ERCC3: variants seen among roughly 807,000 people sequenced by gnomAD.
The protein encoded by ERCC3 is ERCC excision repair 3, TFIIH core complex helicase subunit.
ERCC3 carries 66 observed loss-of-function variants against 94.2 expected under a neutral mutation model. That is an observed-to-expected ratio of 0.70 (90% CI 0.57 to 0.86). The LOEUF (loss-of-function observed/expected upper bound fraction) is 0.86, where lower values mean the gene tolerates loss of function less well. Ranked by LOEUF, ERCC3 falls within the 40% of genes least tolerant of loss-of-function variation. The pLI, the probability that ERCC3 is intolerant of heterozygous loss-of-function variation, is 0.00. For missense variants in ERCC3, 829 were observed against 987.1 expected, an observed-to-expected ratio of 0.84 and a Z score of 2.15; for synonymous variants, 349 against 369.1, an observed-to-expected ratio of 0.95 and a Z score of 0.63.
rs2104753218 is a variant in ERCC3, at chr2:127,274,486, T to C, written c.1731-1525A>G. 6.6e-6 allele frequency among the ~76,000 whole-genome samples: 1 copy of C among 152,272 alleles called. No individual in the cohort carries two copies. Among genetic ancestry groups the C allele is most frequent in the South Asian group, 2.1e-4 (1 of 4,828 alleles). On this transcript the variant is annotated intron_variant, in intron 10 of 14. Coordinates refer to ENST00000285398, the MANE Select transcript of ERCC3 (RefSeq NM_000122.2). This position sits in a 1 kb window ranked among gnomAD's most constrained non-coding sequence, Gnocchi z 4.0. ...TGGCTGCTCCACTGCCGAGGCCCGT[T>C]AGCACCCAGAGCAGTGCCCATTAAT...
At chr2:127,273,680 C>G (rs1345552927) in intron 10 of ERCC3, among the ~76,000 whole-genome samples, 4 of 131,590 alleles carry the variant, frequency 3.0e-5, no homozygotes, top group Non-Finnish European at 6.1e-5. Flanking sequence ...ACCGGGGAGG[C>G]AGAGGTTGTG....
At chr2:127,261,975 T>G (rs1380440577) in intron 12 of ERCC3, 1 of 153,030 alleles carries the variant, frequency 6.5e-6, no homozygotes, top group African/African-American at 2.4e-5. Context: ...CAATTCCACT[T>G]CCAGGCATAA....
Position 127,271,261 on chromosome 2 carries a change from AC to A in ERCC3, c.1945+74del. ...AGCCCCAGGGCACATGGCAGCTCTC[AC>A]CCCTATCGTCTTCCTAACTAAAGTG... On this transcript the variant is annotated intron_variant, in intron 12 of 14. Coordinates refer to ENST00000285398, the MANE Select transcript of ERCC3 (RefSeq NM_000122.2). This position sits in a 1 kb window ranked among gnomAD's most constrained non-coding sequence, Gnocchi z 5.0. 2.0e-6 allele frequency: 2 copies of A among 1,008,420 alleles called. No individual in the cohort carries two copies. The highest frequency in any genetic ancestry group is 1.7e-5 in the Admixed American group (1 of 59,272). 62.5% of individuals were successfully genotyped at this position (1,008,420 alleles called of 1,614,324 possible). A position where few individuals can be genotyped will look rare whatever the true frequency, so the allele number is the denominator to read the frequency against.
rs4150469 is a variant in ERCC3, at chr2:127,277,263, AGAAATTACCT to A, written c.1730+1900_1730+1909del. On this transcript the variant is annotated intron_variant, in intron 10 of 14. Coordinates refer to ENST00000285398, the MANE Select transcript of ERCC3 (RefSeq NM_000122.2). This position sits in a 1 kb window ranked among gnomAD's most constrained non-coding sequence, Gnocchi z 5.1. ...CTGGGGAAACAGAAAAACAGAACTG[AGAAATTACCT>A]GACCCTACTGAGTTTATGGTTATGT... 0.029 allele frequency among the ~76,000 whole-genome samples: 4,394 copies of A among 152,278 alleles called. 208 individuals are homozygous for A. Among genetic ancestry groups the A allele is most frequent in the African/African-American group, 0.1 (4,150 of 41,518 alleles).
rs1684039658 is a variant in ERCC3 at position 127,257,321 on chromosome 2, A to G, written c.*275T>C. 2.0e-6 allele frequency: 1 copy of G among 493,438 alleles called. No individual in the cohort carries two copies. The highest frequency in any genetic ancestry group is 3.8e-6 in the Non-Finnish European group (1 of 260,908). 30.6% of individuals were successfully genotyped at this position (493,438 alleles called of 1,614,324 possible). ...TCAATGGTCCATTCTGTTTATTCAG[A>G]ACGGTAACATAAATACACCTTAAAT... On this transcript the variant is annotated 3_prime_UTR_variant, in exon 15 of 15. Coordinates refer to ENST00000285398, the MANE Select transcript of ERCC3 (RefSeq NM_000122.2). This position sits in a 1 kb window ranked among gnomAD's most constrained non-coding sequence, Gnocchi z 5.4.
At position 127,259,620 on chromosome 2, in the gene ERCC3, G is replaced by A. The variant is rs765870689; in HGVS notation, c.2065-172C>T. On this transcript the variant is annotated intron_variant, in intron 13 of 14. Coordinates refer to ENST00000285398, the MANE Select transcript of ERCC3 (RefSeq NM_000122.2). This position sits in a 1 kb window ranked among gnomAD's most constrained non-coding sequence, Gnocchi z 4.9. ...ATTCCAGAGACCAGCATCAGGAGCC[G>A]CCTTTAACAGGGAGCTTGACTAATG... 3.8e-4 allele frequency: 289 copies of A among 763,510 alleles called. 1 individual carries two copies. In the Middle Eastern group the frequency reaches 5.4e-3, roughly 14 times the overall value. 47.3% of individuals were successfully genotyped at this position (763,510 alleles called of 1,614,324 possible).
chr2:127,280,424 G>T lies in ERCC3; in HGVS notation c.1527+23C>A. ...CATAGGAGGAGGCCCTTTCCCAGAC[G>T]CCCCCAGCCCAGGCCCAGCTACCTC... On this transcript the variant is annotated intron_variant, in intron 9 of 14. Transcript: ENST00000285398. The surrounding 1 kb of genome is among the most constrained non-coding windows in gnomAD (Gnocchi z 6.3). 1 of 1,600,638 alleles carries T rather than the reference G, an allele frequency of 6.2e-7. No homozygotes were observed.
intron 10 of ERCC3, among the ~76,000 whole-genome samples, chr2:127,276,873 TGA>T (rs1684750080): frequency 6.6e-6 from 1 of 152,082 alleles, no homozygotes; most frequent in African/African-American, 2.4e-5. Flanking sequence ...GACAACACAC[TGA>T]GAGGAAGCAA....
At position 127,289,350 on chromosome 2, in the gene ERCC3, A is replaced by G; in HGVS notation, c.809T>C (p.Phe270Ser). The change falls in exon 6 of 15, where the codon TTT (phenylalanine) becomes TCT (serine). Residue 270 changes from phenylalanine to serine, a missense_variant. By Grantham distance (155) the Phe-to-Ser change is radical. Coordinates refer to ENST00000285398, the MANE Select transcript of ERCC3 (RefSeq NM_000122.2). ...EEEEETQTVS[F>S]EVKQEMIEEL... The stretch of plus-strand genomic sequence containing the variant: ...ACATTCACTAACCTGCTTGACTTCA[A>G]AAGACACTGTCTGTGTCTCTTCTTC... 6.2e-7 allele frequency: 1 copy of G among 1,613,746 alleles called. No individual in the cohort carries two copies. Among genetic ancestry groups the G allele is most frequent in the East Asian group, 2.2e-5 (1 of 44,878 alleles).
rs765152621 is a variant in ERCC3 at position 127,286,724 on chromosome 2, C to A, written c.1321G>T (p.Asp441Tyr). The change falls in exon 8 of 15, where the codon GAT (aspartate) becomes TAT (tyrosine). Residue 441 changes from aspartate (D) to tyrosine (Y), a missense_variant. By Grantham distance (160) the Asp-to-Tyr change is radical. Transcript: ENST00000285398. ...KTQEWGLMILDEVHTIPAKMF... is the reference protein window; with the variant it reads ...KTQEWGLMILYEVHTIPAKMF... ...TTACCTGGTATGGTGTGCACTTCAT[C>A]CAGGATCATGAGGCCCCACTCCTGG... 6.2e-7 allele frequency: 1 copy of A among 1,614,064 alleles called. No individual in the cohort carries two copies. The highest frequency in any genetic ancestry group is 8.5e-7 in the Non-Finnish European group (1 of 1,180,006).
chr2:127,270,185 G>A (rs1388055796), intron 12 of ERCC3, among the ~76,000 whole-genome samples: 2 of 152,082 alleles, frequency 1.3e-5, no homozygotes, highest in Admixed American at 1.3e-4. Flanking sequence ...ACACCACCAC[G>A]CCCAGCTAGT....
At position 127,291,891 on chromosome 2, in the gene ERCC3, G is replaced by C. The variant is rs2104779768; in HGVS notation, c.471+719C>G. On this transcript the variant is annotated intron_variant, in intron 3 of 14. Coordinates refer to ENST00000285398, the MANE Select transcript of ERCC3 (RefSeq NM_000122.2). The surrounding 1 kb of genome is among the most constrained non-coding windows in gnomAD (Gnocchi z 4.9). ...ACTATTGGTCTCCTGCAGATACTTAGCTTTAGACAGAGTTTACCACCTGTG... is the reference window on the plus strand; with the variant it reads ...ACTATTGGTCTCCTGCAGATACTTACCTTTAGACAGAGTTTACCACCTGTG... 6.5e-6 allele frequency: 1 copy of C among 154,684 alleles called. No individual in the cohort carries two copies. Among genetic ancestry groups the C allele is most frequent in the African/African-American group, 2.4e-5 (1 of 41,586 alleles). The allele number at this position is 154,684 out of a possible 1,614,324, so 9.6% of individuals were successfully genotyped here. A position where few individuals can be genotyped will look rare whatever the true frequency, so the allele number is the denominator to read the frequency against.
chr2:127,293,977 G>A, intron 1 of ERCC3, 77 bp downstream of exon 1: 2 of 1,570,636 alleles, frequency 1.3e-6, no homozygotes, highest in Non-Finnish European at 1.7e-6. Flanking sequence ...GCAGAGGCCC[G>A]GAGCAGCTCC....
In ERCC3 at chr2:127,277,448, T is replaced by G. The variant is rs55693032; in HGVS notation, c.1730+1725A>C. On this transcript the variant is annotated intron_variant, in intron 10 of 14. Transcript: ENST00000285398. The surrounding 1 kb of genome is among the most constrained non-coding windows in gnomAD (Gnocchi z 5.1). ...GGCTCACACCTGTAATCCCAGCACT[T>G]TGGAAGGCCGAGGCAGGCAGATCAC... Among the ~76,000 whole-genome samples, 5,156 of 152,250 alleles carry G rather than the reference T, an allele frequency of 0.034. 126 individuals carry two copies. Among genetic ancestry groups the G allele is most frequent in the Middle Eastern group, 0.072 (21 of 292 alleles).
Position 127,259,773 on chromosome 2 carries a change from T to G in ERCC3, c.2065-325A>C. ...TTTTAAAAGGCTCCTTCGGGTAGCC[T>G]TCACATCTTGGAGCAGACAAAGGAA... On this transcript the variant is annotated intron_variant, in intron 13 of 14. Coordinates refer to ENST00000285398, the MANE Select transcript of ERCC3 (RefSeq NM_000122.2). This position sits in a 1 kb window ranked among gnomAD's most constrained non-coding sequence, Gnocchi z 4.9. 1 of 386,232 alleles carries G rather than the reference T, an allele frequency of 2.6e-6. No homozygotes were observed. The highest frequency in any genetic ancestry group is 5.0e-6 in the Non-Finnish European group (1 of 201,792). The allele number at this position is 386,232 out of a possible 1,614,324, so 23.9% of individuals were successfully genotyped here.
chr2:127,289,505 TGA>T lies in ERCC3; in HGVS notation c.658-6_658-5del. ...TGCTTTCAGCAGTCTTAGAAATCTG[TGA>T]GAGAGGTAGGTGCTGAACGTGCACA... On this transcript the variant is annotated splice_region_variant and splice_polypyrimidine_tract_variant and intron_variant, in intron 5 of 14. Coordinates refer to ENST00000285398, the MANE Select transcript of ERCC3 (RefSeq NM_000122.2). The T allele has an allele frequency of 6.2e-7, 1 of 1,612,332 alleles. No individual in the cohort carries two copies. The highest frequency in any genetic ancestry group is 8.5e-7 in the Non-Finnish European group (1 of 1,179,988).
chr2:127,287,478 C>CA (rs1464475932), intron 7 of ERCC3, among the ~76,000 whole-genome samples: 3 of 151,894 alleles, frequency 2.0e-5, no homozygotes, highest in African/African-American at 7.3e-5. Context: ...ACTAAAAATA[C>CA]AAAAAATTAG....
rs1380093521 is a variant in ERCC3, at chr2:127,259,450, T to C, written c.2065-2A>G. Reference sequence around the variant, plus strand: ...CATGCCAGCGAGTTTCGTGATCACCTGCAAAGCCCAAGCCAGCAGACATGC... The same window carrying C: ...CATGCCAGCGAGTTTCGTGATCACCCGCAAAGCCCAAGCCAGCAGACATGC... On this transcript the variant is annotated splice_acceptor_variant, in intron 13 of 14. Coordinates refer to ENST00000285398, the MANE Select transcript of ERCC3 (RefSeq NM_000122.2). LOFTEE classifies it high-confidence loss of function. This position sits in a 1 kb window ranked among gnomAD's most constrained non-coding sequence, Gnocchi z 4.9. The C allele has an allele frequency of 6.2e-7, 1 of 1,614,162 alleles. No individual in the cohort carries two copies. Among genetic ancestry groups the C allele is most frequent in the South Asian group, 1.1e-5 (1 of 91,088 alleles).
intron 13 of ERCC3, chr2:127,260,725 A>G (rs1005769213): frequency 5.9e-6 from 1 of 169,514 alleles, no homozygotes; most frequent in African/African-American, 2.4e-5. Flanking sequence ...TCTATCCCCA[A>G]AATATAAAGC....
Sources: gnomAD v4.1 joint callset for allele counts (sites outside exome capture counted in the v4.1 genomes callset) on GRCh38, gnomAD v4.1.1 for gene constraint, Gnocchi (gnomAD v3.1) non-coding constraint, MANE v1.5 for transcripts, NCBI Gene and HGNC (gene_info 2026-07-23, HGNC 2026-07-21) for gene names.